POU6F2: variants seen among roughly 807,000 people sequenced by gnomAD.
The protein encoded by POU6F2 is POU domain, class 6, transcription factor 2.
POU6F2 carries 31 observed loss-of-function variants against 71.3 expected under a neutral mutation model. The ratio of observed to expected loss-of-function variants is 0.43; its 90% CI spans 0.33 to 0.59. POU6F2 has a LOEUF of 0.59. Among genes scored for constraint, POU6F2 ranks in the 20% least tolerant of loss-of-function variants. The pLI, the probability that POU6F2 is intolerant of heterozygous loss-of-function variation, is 0.04. For missense variants in POU6F2, 783 were observed against 856.8 expected, an observed-to-expected ratio of 0.91 and a Z score of 1.07; for synonymous variants, 347 against 355.7, an observed-to-expected ratio of 0.98 and a Z score of 0.27.
chr7:39,426,232 A>T (rs1583593588), intron 6 of POU6F2, among the ~76,000 whole-genome samples: 1 of 152,244 alleles, frequency 6.6e-6, no homozygotes, highest in African/African-American at 2.4e-5. Flanking sequence ...TGCTCTCTGG[A>T]CCAGCCATTG....
At chr7:38,981,372 G>C (rs551878193) in intron 1 of POU6F2, among the ~76,000 whole-genome samples, 3 of 152,180 alleles carry the variant, frequency 2.0e-5, no homozygotes, top group African/African-American at 7.2e-5. Context: ...TCGGGTCACT[G>C]TGTCCAATAC....
At chr7:39,227,273 C>CT (rs915709871) in intron 4 of POU6F2, among the ~76,000 whole-genome samples, 34 of 149,364 alleles carry the variant, frequency 2.3e-4, no homozygotes, top group Middle Eastern at 6.9e-3. Flanking sequence ...TTTTATTTTC[C>CT]TTTTTTTTTC....
chr7:39,163,105 G>A (rs888887567), intron 2 of POU6F2, among the ~76,000 whole-genome samples: 2 of 152,190 alleles, frequency 1.3e-5, no homozygotes, highest in African/African-American at 4.8e-5. Context: ...TAAATGCAAT[G>A]TGTCAAAGAG....
intron 4 of POU6F2, among the ~76,000 whole-genome samples, chr7:39,211,393 T>C (rs1411504325): frequency 6.6e-6 from 1 of 152,218 alleles, no homozygotes; most frequent in Admixed American, 6.5e-5. Context: ...GGAACGTTTT[T>C]GCTTCTGTTA....
At chr7:39,356,591 G>C (rs1786265799) in intron 5 of POU6F2, among the ~76,000 whole-genome samples, 1 of 152,108 alleles carries the variant, frequency 6.6e-6, no homozygotes, top group Non-Finnish European at 1.5e-5. Context: ...ACACCTCTGT[G>C]TATCCCAGGG....
At chr7:39,429,627 A>C (rs1171530799) in intron 6 of POU6F2, among the ~76,000 whole-genome samples, 1 of 152,206 alleles carries the variant, frequency 6.6e-6, no homozygotes, top group Admixed American at 6.5e-5. Context: ...TTTCAGGAGA[A>C]CATAAATCTG....
At chr7:39,154,757 A>G (rs559470000) in intron 2 of POU6F2, among the ~76,000 whole-genome samples, 2 of 152,104 alleles carry the variant, frequency 1.3e-5, no homozygotes, top group Non-Finnish European at 2.9e-5. Flanking sequence ...AGAGAATATC[A>G]CTACTGCAAT....
intron 6 of POU6F2, 72 bp from the exon 7 acceptor site, chr7:39,433,005 A>G: frequency 6.7e-7 from 1 of 1,483,748 alleles, no homozygotes; most frequent in East Asian, 2.3e-5. Context: ...GAGACCAGGC[A>G]CTGCATGGTC....
Position 39,089,726 on chromosome 7 carries a change from C to A in POU6F2, c.277+3695C>A, listed in dbSNP as rs545558030. Among the ~76,000 whole-genome samples, 5 of 152,220 alleles carry A rather than the reference C, an allele frequency of 3.3e-5. No individual in the cohort carries two copies. The South Asian group carries it at 1.0e-3, about 32-fold the overall frequency. Reference sequence around the variant, plus strand: ...CAGAAAGGATAAAAGTAATATATATCCTTGGAAAAAATATGTGTGCTAAAG... The same window carrying A: ...CAGAAAGGATAAAAGTAATATATATACTTGGAAAAAATATGTGTGCTAAAG... On this transcript the variant is annotated intron_variant, in intron 2 of 9. Transcript: ENST00000518318.
chr7:38,984,064 A>T (rs553913568), intron 1 of POU6F2, among the ~76,000 whole-genome samples: 1 of 152,152 alleles, frequency 6.6e-6, no homozygotes, highest in Admixed American at 6.6e-5. Flanking sequence ...GCACTTTTTT[A>T]ATTATAAGAC....
intron 2 of POU6F2, among the ~76,000 whole-genome samples, chr7:39,103,413 A>G (rs1251505263): frequency 3.3e-5 from 5 of 152,262 alleles, no homozygotes; most frequent in African/African-American, 9.6e-5. Flanking sequence ...AAGACACTCC[A>G]TCTTCCCCTA....
intron 2 of POU6F2, among the ~76,000 whole-genome samples, chr7:39,087,312 T>A (rs73373260): frequency 0.018 from 2,738 of 152,052 alleles, 74 homozygotes; most frequent in African/African-American, 0.063. Flanking sequence ...ATTAGAGAGA[T>A]GTCACAGAGA....
chr7:39,385,464 G>C (rs976672176), intron 5 of POU6F2, among the ~76,000 whole-genome samples: 1 of 152,190 alleles, frequency 6.6e-6, no homozygotes, highest in African/African-American at 2.4e-5. Flanking sequence ...CTAGTCAGAG[G>C]CTTGGAGGTG....
chr7:39,213,228 A>G (rs770322282), intron 4 of POU6F2, among the ~76,000 whole-genome samples: 1 of 152,244 alleles, frequency 6.6e-6, no homozygotes, highest in African/African-American at 2.4e-5. Flanking sequence ...AGGCCAGTTG[A>G]AAAATCAAGG....
chr7:38,980,779 C>T (rs1554303237), intron 1 of POU6F2, among the ~76,000 whole-genome samples: 1 of 151,956 alleles, frequency 6.6e-6, no homozygotes, highest in Non-Finnish European at 1.5e-5. Flanking sequence ...AGTTTTCAGT[C>T]AGAATATTGA....
chr7:39,382,446 G>A (rs752593211), intron 5 of POU6F2, among the ~76,000 whole-genome samples: 72 of 152,266 alleles, frequency 4.7e-4, no homozygotes, highest in Non-Finnish European at 9.6e-4. Context: ...CGAGGCAGGC[G>A]AGTGGACCAG....
intron 4 of POU6F2, among the ~76,000 whole-genome samples, chr7:39,332,900 G>A (rs115453479): frequency 2.1e-3 from 318 of 152,172 alleles, no homozygotes; most frequent in African/African-American, 7.3e-3. Context: ...TTTTAGGGTA[G>A]GTGAGAGGAG....
chr7:39,207,286 C>G, intron 3 of POU6F2, 106 bp from the exon 4 acceptor site: 1 of 1,055,114 alleles, frequency 9.5e-7, no homozygotes, highest in African/African-American at 1.6e-5. Flanking sequence ...TTTTTTGGTA[C>G]TTCTTCGGGA....
intron 4 of POU6F2, among the ~76,000 whole-genome samples, chr7:39,323,211 C>T (rs1419404430): frequency 6.6e-6 from 1 of 151,982 alleles, no homozygotes; most frequent in Non-Finnish European, 1.5e-5. Flanking sequence ...GTGCAATGCA[C>T]AACAGGATGT....
Sources: allele counts gnomAD v4.1 joint callset (sites outside exome capture counted in the v4.1 genomes callset), GRCh38; gene constraint gnomAD v4.1.1; transcripts MANE v1.5; gene names NCBI Gene and HGNC (gene_info 2026-07-23, HGNC 2026-07-21).